The following PLXNA4 variants were observed in gnomAD, a reference collection of about 807,000 sequenced individuals.
The protein encoded by PLXNA4 is plexin-A4.
In PLXNA4, 44 loss-of-function variants were observed where a neutral mutation model predicts 191.8. The ratio of observed to expected loss-of-function variants is 0.23; its 90% confidence interval spans 0.18 to 0.29. PLXNA4 has a LOEUF of 0.29. PLXNA4 is among the 10% of genes least tolerant of loss of function. The pLI is 1.00. For missense variants in PLXNA4, 1,800 were observed against 2,488.8 expected (o/e 0.72, Z 5.89); for synonymous variants, 1,082 against 1,009.5 (o/e 1.07, Z -1.36).
At chr7:132,581,239 C>G (rs1256869472), upstream of PLXNA4, among the ~76,000 whole-genome samples, 1 of 152,196 alleles carries the variant, frequency 6.6e-6, no homozygotes, top group Admixed American at 6.5e-5. Context: ...GAAGTGACTG[C>G]CTTTCAAGGA....
chr7:132,222,369 T>C (rs1798173948), intron 9 of PLXNA4, among the ~76,000 whole-genome samples: 1 of 152,180 alleles, frequency 6.6e-6, no homozygotes, highest in Non-Finnish European at 1.5e-5. Flanking sequence ...GCTTCTCTCC[T>C]CCCATGAGGG....
intron 2 of PLXNA4, among the ~76,000 whole-genome samples, chr7:132,607,793 T>C (rs201652873): frequency 6.6e-6 from 1 of 150,914 alleles, no homozygotes; most frequent in African/African-American, 2.4e-5. Context: ...ACCACCATCA[T>C]CATCATCATC....
intron 4 of PLXNA4, among the ~76,000 whole-genome samples, chr7:132,274,077 G>A (rs559029776): frequency 6.6e-6 from 1 of 151,924 alleles, no homozygotes; most frequent in Non-Finnish European, 1.5e-5. Flanking sequence ...CAATACAAAA[G>A]AGTATGTATT....
intron 3 of PLXNA4, among the ~76,000 whole-genome samples, chr7:132,298,658 CT>C (rs1801195862): frequency 1.3e-5 from 2 of 152,274 alleles, no homozygotes; most frequent in Admixed American, 6.5e-5. Flanking sequence ...AGGATGGGAA[CT>C]GCTACCTGGA....
chr7:132,359,973 C>T (rs1346591212), intron 3 of PLXNA4, among the ~76,000 whole-genome samples: 4 of 152,108 alleles, frequency 2.6e-5, no homozygotes, highest in African/African-American at 9.7e-5. Flanking sequence ...AGTAATGGGC[C>T]TCAGTGTGGT....
At chr7:132,191,921 C>T (rs556939449) in intron 14 of PLXNA4, among the ~76,000 whole-genome samples, 1 of 152,050 alleles carries the variant, frequency 6.6e-6, no homozygotes, top group Admixed American at 6.5e-5. Context: ...CTATTGGGTT[C>T]ACCTTGGAAA....
chr7:132,237,953 T>C (rs1798757669), intron 5 of PLXNA4, among the ~76,000 whole-genome samples: 3 of 152,234 alleles, frequency 2.0e-5, no homozygotes, highest in Admixed American at 6.5e-5. Context: ...CCTCAGCTTC[T>C]TGTTTTAGCT....
At chr7:132,645,789 C>T (rs1803855181) in intron 2 of PLXNA4, 1 of 152,344 alleles carries the variant, frequency 6.6e-6, no homozygotes, top group African/African-American at 2.4e-5. Context: ...GGTGGCATTA[C>T]CATCAAGGGA....
At chr7:132,202,456 T>C (rs1398929218) in intron 12 of PLXNA4, among the ~76,000 whole-genome samples, 190 bp downstream of exon 12, 1 of 152,128 alleles carries the variant, frequency 6.6e-6, no homozygotes, top group Non-Finnish European at 1.5e-5. Flanking sequence ...AAAAAGAGTC[T>C]CTGATCCAAG....
At chr7:132,359,384 T>C (rs892491738) in intron 3 of PLXNA4, among the ~76,000 whole-genome samples, 1 of 151,648 alleles carries the variant, frequency 6.6e-6, no homozygotes, top group Non-Finnish European at 1.5e-5. Context: ...CCATGCCGGA[T>C]TTTTGTATTT....
chr7:132,311,581 A>G (rs1801743244), intron 3 of PLXNA4, among the ~76,000 whole-genome samples: 1 of 152,146 alleles, frequency 6.6e-6, no homozygotes, highest in Non-Finnish European at 1.5e-5. Flanking sequence ...TCACCAGCAA[A>G]AACAATTACT....
intron 9 of PLXNA4, among the ~76,000 whole-genome samples, chr7:132,211,384 A>G (rs1431284536): frequency 6.6e-6 from 1 of 151,994 alleles, no homozygotes; most frequent in Non-Finnish European, 1.5e-5. Context: ...TTCCATGAAA[A>G]CCTTCCCTAT....
intron 25 of PLXNA4, among the ~76,000 whole-genome samples, chr7:132,155,769 T>C (rs1795773464): frequency 6.6e-6 from 1 of 152,192 alleles, no homozygotes; most frequent in Non-Finnish European, 1.5e-5. Context: ...TAATTCTACG[T>C]GTCAACTTGG....
In PLXNA4 at chr7:132,148,552, G is replaced by T. The variant is rs780819326; in HGVS notation, c.4755C>A (p.Ala1585=). The T allele has an allele frequency of 6.2e-7, 1 of 1,614,052 alleles. No homozygotes were observed. Among genetic ancestry groups the T allele is most frequent in the Non-Finnish European group, 8.5e-7 (1 of 1,179,996 alleles). ...ENDWKRLNTL[A]HYQVPDGSVV... ...TCCACATTCCCCTCACCTGGTAGTGGGCCAGTGTGTTCAGTCGCTTCCAAT... is the reference window on the plus strand; with the variant it reads ...TCCACATTCCCCTCACCTGGTAGTGTGCCAGTGTGTTCAGTCGCTTCCAAT... Residue 1585 remains alanine, a synonymous_variant, in exon 26 of 32, where the codon GCC becomes GCA. Transcript: ENST00000321063.
At chr7:132,131,343 C>A (rs184286315) in intron 31 of PLXNA4, among the ~76,000 whole-genome samples, 1 of 151,990 alleles carries the variant, frequency 6.6e-6, no homozygotes, top group Non-Finnish European at 1.5e-5. Flanking sequence ...TGTCTGAACA[C>A]TCAACGTCCT....
chr7:132,446,783 T>C (rs1795927801), intron 3 of PLXNA4, among the ~76,000 whole-genome samples: 1 of 152,174 alleles, frequency 6.6e-6, no homozygotes, highest in South Asian at 2.1e-4. Context: ...GCTAAGGTAA[T>C]GAGTCTGAGG....
Position 132,179,766 on chromosome 7 carries a change from G to A in PLXNA4, c.3795C>T (p.Arg1265=), listed in dbSNP as rs201296528. The change falls in exon 20 of 32, where the codon CGC becomes CGT. Residue 1265 remains arginine, a synonymous_variant. Coordinates refer to ENST00000321063, the MANE Select transcript of PLXNA4 (RefSeq NM_020911.2). ...GCCGCTTCAGCGTGAGGTCACTTTC[G>A]CGGGACTTGCGTTTATAGGCAATGA... ...AVLIAYKRKS[R]ESDLTLKRLQ... 23 of 1,614,090 alleles carry A rather than the reference G, an allele frequency of 1.4e-5. No individual in the cohort carries two copies. The highest frequency in any genetic ancestry group is 8.3e-5 in the Admixed American group (5 of 60,028).
intron 2 of PLXNA4, among the ~76,000 whole-genome samples, chr7:132,635,976 G>A (rs867189858): frequency 1.6e-4 from 25 of 152,182 alleles, no homozygotes; most frequent in African/African-American, 4.8e-4. Context: ...TGGAGGAGGC[G>A]GTTCCAGGGA....
At chr7:132,498,487 CT>C (rs1189422716) in intron 2 of PLXNA4, among the ~76,000 whole-genome samples, 1 of 152,184 alleles carries the variant, frequency 6.6e-6, no homozygotes, top group Admixed American at 6.5e-5. Flanking sequence ...GACTTATTCA[CT>C]ATCACGAAAA....
Sources: allele counts gnomAD v4.1 joint callset (sites outside exome capture counted in the v4.1 genomes callset), GRCh38; gene constraint gnomAD v4.1.1; transcripts MANE v1.5; gene names NCBI Gene and HGNC (gene_info 2026-07-23, HGNC 2026-07-21).